GRIK4: variants seen among roughly 807,000 people sequenced by gnomAD.
The protein encoded by GRIK4 is glutamate receptor ionotropic, kainate 4.
GRIK4 carries 40 observed loss-of-function variants against 104.9 expected under a neutral mutation model. The ratio of observed to expected loss-of-function variants is 0.38; its 90% CI spans 0.30 to 0.50. The LOEUF (loss-of-function observed/expected upper bound fraction) is 0.50, where lower values mean the gene tolerates loss of function less well. Ranked by LOEUF, GRIK4 falls within the 20% of genes least tolerant of loss-of-function variation. The pLI is 0.93. For missense variants in GRIK4, 1,047 were observed against 1,308.1 expected (o/e 0.80, Z 3.08); for synonymous variants, 485 against 524.9 (o/e 0.92, Z 1.04).
At chr11:120,941,307 C>T (rs1230182796) in intron 14 of GRIK4, among the ~76,000 whole-genome samples, 4 of 152,144 alleles carry the variant, frequency 2.6e-5, no homozygotes, top group Non-Finnish European at 5.9e-5. Flanking sequence ...CAGAACAGAG[C>T]CTGTACCTCG....
intron 3 of GRIK4, among the ~76,000 whole-genome samples, chr11:120,736,580 A>G (rs751354310): frequency 3.3e-5 from 5 of 152,214 alleles, no homozygotes; most frequent in African/African-American, 9.6e-5. Flanking sequence ...TGTTGGATGT[A>G]TAATGTAGGA....
intron 16 of GRIK4, among the ~76,000 whole-genome samples, chr11:120,958,615 CT>C (rs1169889366): frequency 6.6e-6 from 1 of 152,244 alleles, no homozygotes; most frequent in Non-Finnish European, 1.5e-5. Context: ...TGAAAATGCC[CT>C]TTGACACAGG....
chr11:120,773,573 A>G (rs1951986162), intron 3 of GRIK4, among the ~76,000 whole-genome samples: 1 of 152,186 alleles, frequency 6.6e-6, no homozygotes, highest in African/African-American at 2.4e-5. Context: ...AGGAAATTCC[A>G]GGGATTTGGA....
chr11:120,813,045 G>A (rs998998780), intron 4 of GRIK4, among the ~76,000 whole-genome samples: 8 of 152,204 alleles, frequency 5.3e-5, no homozygotes, highest in African/African-American at 1.9e-4. Flanking sequence ...GGATGAGAAT[G>A]GATAACAGGT....
chr11:120,642,341 AAAAAC>A (rs1443668688), intron 1 of GRIK4, among the ~76,000 whole-genome samples: 6 of 152,280 alleles, frequency 3.9e-5, no homozygotes, highest in South Asian at 2.1e-4. Flanking sequence ...CTGTAAGGGA[AAAAAC>A]AAAACAAAAC....
chr11:120,890,742 G>A (rs777398735), intron 11 of GRIK4, among the ~76,000 whole-genome samples: 1 of 152,136 alleles, frequency 6.6e-6, no homozygotes, highest in Non-Finnish European at 1.5e-5. Flanking sequence ...TCTCAGGTGG[G>A]AATAATAACA....
Position 120,967,312 on chromosome 11 carries a change from A to G in GRIK4, c.2384A>G (p.His795Arg). 4 of 1,613,328 alleles carry G rather than the reference A, an allele frequency of 2.5e-6. No homozygotes were observed. Among genetic ancestry groups the G allele is most frequent in the Non-Finnish European group, 3.4e-6 (4 of 1,179,566 alleles). The change falls in exon 19 of 21, where the codon CAC becomes CGC. Residue 795 changes from histidine to arginine, a missense_variant. His to Arg is a conservative substitution (Grantham distance 29). Coordinates refer to ENST00000527524, the MANE Select transcript of GRIK4 (RefSeq NM_014619.5). The surrounding 1 kb of genome is among the most constrained non-coding windows in gnomAD (Gnocchi z 4.2). ...GGGAAGTGCCCCAAGGAGGAAGATC[A>G]CAGAGCTAAAGGTAAGGACGTTCAG... ...EGGKCPKEED[H>R]RAKGLGMENI...
rs1487896652 is a variant in GRIK4 at position 120,874,216 on chromosome 11, A to G, written c.1057A>G (p.Met353Val). 6.2e-7 allele frequency: 1 copy of G among 1,610,326 alleles called. No homozygotes were observed. Among genetic ancestry groups the G allele is most frequent in the Non-Finnish European group, 8.5e-7 (1 of 1,178,692 alleles). Reference protein sequence around the residue: ...HGTSLMNYLRMVELEGLTGHI... With the variant: ...HGTSLMNYLRVVELEGLTGHI... Reference sequence around the variant, plus strand: ...CACCAGCCTCATGAACTACCTGCGCATGGTGAGGAGCGGCTGAGGCCCTGC... The same window carrying G: ...CACCAGCCTCATGAACTACCTGCGCGTGGTGAGGAGCGGCTGAGGCCCTGC... The change falls in exon 10 of 21, where the codon ATG becomes GTG. Residue 353 changes from methionine to valine, a missense_variant and splice_region_variant. Coordinates refer to ENST00000527524, the MANE Select transcript of GRIK4 (RefSeq NM_014619.5).
At chr11:120,874,367 C>T in intron 10 of GRIK4, 149 bp downstream of exon 10, 1 of 634,228 alleles carries the variant, frequency 1.6e-6, no homozygotes, top group Non-Finnish European at 2.7e-6. Flanking sequence ...CTGGTGACCC[C>T]AGTTGAATGG....
At chr11:120,565,832 G>A (rs1473181962) in intron 1 of GRIK4, among the ~76,000 whole-genome samples, 1 of 152,226 alleles carries the variant, frequency 6.6e-6, no homozygotes, top group African/African-American at 2.4e-5. Context: ...TAGCACGTTA[G>A]TTGCCAGGGA....
At chr11:120,636,403 G>A (rs1238636885) in intron 1 of GRIK4, among the ~76,000 whole-genome samples, 2 of 152,202 alleles carry the variant, frequency 1.3e-5, no homozygotes, top group Non-Finnish European at 2.9e-5. Context: ...TCTGGCAGTG[G>A]TAGATGCTCA....
intron 3 of GRIK4, among the ~76,000 whole-genome samples, chr11:120,758,940 G>A (rs1196911923): frequency 6.6e-6 from 1 of 152,214 alleles, no homozygotes; most frequent in Admixed American, 6.5e-5. Flanking sequence ...AACAAGACAA[G>A]CATGGCCTTG....
At chr11:120,723,971 T>C (rs553350994) in intron 3 of GRIK4, among the ~76,000 whole-genome samples, 2 of 152,280 alleles carry the variant, frequency 1.3e-5, no homozygotes, top group East Asian at 1.9e-4. Flanking sequence ...CCCCTCTCCC[T>C]ACCCCCTGCT....
intron 1 of GRIK4, among the ~76,000 whole-genome samples, chr11:120,649,767 C>T (rs1949593877): frequency 6.6e-6 from 1 of 152,176 alleles, no homozygotes; most frequent in Admixed American, 6.5e-5. Context: ...CAGAGAGATG[C>T]CTAGCAGAGG....
chr11:120,828,047 G>A (rs1426779522), intron 6 of GRIK4, among the ~76,000 whole-genome samples: 1 of 152,150 alleles, frequency 6.6e-6, no homozygotes, highest in Non-Finnish European at 1.5e-5. Context: ...ACCCAAGTCA[G>A]CTGCTCCTCA....
At chr11:120,918,382 T>A (rs1478861664) in intron 13 of GRIK4, among the ~76,000 whole-genome samples, 1 of 152,232 alleles carries the variant, frequency 6.6e-6, no homozygotes, top group Non-Finnish European at 1.5e-5. Context: ...TCTAGATGCA[T>A]TGATTCCATA....
At chr11:120,582,349 G>C (rs1310493308) in intron 1 of GRIK4, among the ~76,000 whole-genome samples, 1 of 151,602 alleles carries the variant, frequency 6.6e-6, no homozygotes, top group Non-Finnish European at 1.5e-5. Context: ...TACATGTGTA[G>C]GTTTGTTATA....
intron 1 of GRIK4, among the ~76,000 whole-genome samples, chr11:120,558,544 C>T (rs1215862600): frequency 1.3e-5 from 2 of 152,010 alleles, no homozygotes; most frequent in Admixed American, 1.3e-4. Flanking sequence ...GCTGAGATCA[C>T]GCCACTGAAC....
chr11:120,569,859 C>A (rs903785984), intron 1 of GRIK4, among the ~76,000 whole-genome samples: 5 of 152,214 alleles, frequency 3.3e-5, no homozygotes, highest in Non-Finnish European at 5.9e-5. Context: ...ATCTCCCATA[C>A]TCCCAAAGAC....
Sources: gnomAD v4.1 joint callset for allele counts (sites outside exome capture counted in the v4.1 genomes callset) on GRCh38, gnomAD v4.1.1 for gene constraint, Gnocchi (gnomAD v3.1) non-coding constraint, MANE v1.5 for transcripts, NCBI Gene and HGNC (gene_info 2026-07-23, HGNC 2026-07-21) for gene names.